Variants in BMP1 observed in about 807,000 individuals in gnomAD.
The protein encoded by BMP1 is bone morphogenetic protein 1.
BMP1 carries 63 observed loss-of-function variants against 116.8 expected under a neutral mutation model. That is an observed-to-expected ratio of 0.54 (90% CI 0.44 to 0.67). The LOEUF is 0.67. Among genes scored for constraint, BMP1 ranks in the 30% least tolerant of loss-of-function variants. The probability of loss-of-function intolerance (pLI) is 0.00; values close to 1 mark genes in which losing one functional copy is unlikely to be tolerated. For missense variants in BMP1, 1,183 were observed against 1,358.9 expected, an observed-to-expected ratio of 0.87 and a Z score of 2.04; for synonymous variants, 536 against 533.4, an observed-to-expected ratio of 1.00 and a Z score of -0.07.
At chr8:22,199,121 C>A in intron 15 of BMP1, 3 of 1,367,736 alleles carry the variant, frequency 2.2e-6, no homozygotes, top group Non-Finnish European at 2.9e-6. Context: ...CCACCCTCAG[C>A]CCTGCACGGA....
chr8:22,193,333 T>C (rs535202759), intron 9 of BMP1, among the ~76,000 whole-genome samples: 1 of 152,372 alleles, frequency 6.6e-6, no homozygotes, highest in East Asian at 1.9e-4. Flanking sequence ...CAGTTTGTAA[T>C]GTGTAAAGAA....
In BMP1 at chr8:22,207,026, G is replaced by A. The variant is rs73551745; in HGVS notation, c.2361+45G>A. On this transcript the variant is annotated intron_variant, in intron 17 of 19. Transcript: ENST00000306385. ...CTCCTTATGCGGTGTGGCTGCCCCC[G>A]GTCAGAGGCACTGCCCAGAGCCACA... The A allele has an allele frequency of 1.8e-3, 2,828 of 1,606,600 alleles. 26 individuals are homozygous for A. In the African/African-American group the frequency reaches 0.023, roughly 13 times the overall value.
chr8:22,174,630 T>A lies in BMP1; in HGVS notation c.262+915T>A, dbSNP rs1458382067. 7.5e-4 allele frequency among the ~76,000 whole-genome samples: 103 copies of A among 136,820 alleles called. 1 individual carries two copies. The highest frequency in any genetic ancestry group is 4.5e-3 in the Middle Eastern group (1 of 224). 89.8% of individuals were successfully genotyped at this position (136,820 alleles called of 152,430 possible). ...ATTCTTTCTTCTTTTTTTCTGTCTT[T>A]TTTTTTTTTTTTTTTTTTTTGAGAC... On this transcript the variant is annotated intron_variant, in intron 2 of 19. Coordinates refer to ENST00000306385, the MANE Select transcript of BMP1 (RefSeq NM_006129.5).
chr8:22,192,119 G>A lies in BMP1; in HGVS notation c.1148G>A (p.Arg383Gln), dbSNP rs752265892. The A allele has an allele frequency of 3.3e-5, 53 of 1,613,712 alleles. No individual in the cohort carries two copies. Among genetic ancestry groups the A allele is most frequent in the Non-Finnish European group, 2.0e-5 (24 of 1,179,874 alleles). Residue 383 changes from arginine to glutamine, a missense_variant, in exon 9 of 20, where the codon CGA becomes CAA. Transcript: ENST00000306385. ...TGCTGGTACGACTATGTGGAGGTCC[G>A]AGATGGCTTCTGGAGGAAGGCGCCC... ...RLCWYDYVEV[R>Q]DGFWRKAPLR...
intron 8 of BMP1, among the ~76,000 whole-genome samples, chr8:22,191,564 T>C (rs561869059): frequency 7.2e-5 from 11 of 152,174 alleles, no homozygotes; most frequent in Admixed American, 5.2e-4. Flanking sequence ...GATTGTACCA[T>C]TGCACTCCAG....
Position 22,176,561 on chromosome 8 carries a change from C to T in BMP1, c.462C>T (p.Ala154=). The T allele has an allele frequency of 6.2e-7, 1 of 1,614,202 alleles. No individual in the cohort carries two copies. The highest frequency in any genetic ancestry group is 8.5e-7 in the Non-Finnish European group (1 of 1,180,018). The change falls in exon 4 of 20, where the codon GCC becomes GCT. Residue 154 remains alanine (A), a synonymous_variant. Coordinates refer to ENST00000306385, the MANE Select transcript of BMP1 (RefSeq NM_006129.5). The part of the protein sequence containing the change: ...TGSQRAVFRQ[A]MRHWEKHTCV... ...GCCAGAGGGCAGTCTTCCGGCAGGCCATGAGGCACTGGGAGAAGCACACCT... is the reference window on the plus strand; with the variant it reads ...GCCAGAGGGCAGTCTTCCGGCAGGCTATGAGGCACTGGGAGAAGCACACCT...
intron 1 of BMP1, chr8:22,169,650 C>T (rs1211399871): frequency 1.3e-5 from 2 of 152,254 alleles, no homozygotes; most frequent in African/African-American, 4.8e-5. Flanking sequence ...TGTGTCATCC[C>T]CCAGCTAGAA....
At chr8:22,170,295 C>T (rs537955983) in intron 1 of BMP1, 36 of 152,680 alleles carry the variant, frequency 2.4e-4, no homozygotes, top group African/African-American at 6.7e-4. Context: ...GGTGAGCCAG[C>T]GTTCCCTGAG....
At chr8:22,206,696 C>G (rs1469387168) in intron 16 of BMP1, among the ~76,000 whole-genome samples, 158 bp from the exon 17 acceptor site, 2 of 152,002 alleles carry the variant, frequency 1.3e-5, no homozygotes, top group African/African-American at 4.8e-5. Flanking sequence ...GACGCAGTAA[C>G]CTCATGAAAA....
chr8:22,194,332 A>G lies in BMP1; in HGVS notation c.1298-113A>G. 1.3e-6 allele frequency: 2 copies of G among 1,489,008 alleles called. No individual in the cohort carries two copies. The highest frequency in any genetic ancestry group is 1.8e-6 in the Non-Finnish European group (2 of 1,087,602). 92.2% of individuals were successfully genotyped at this position (1,489,008 alleles called of 1,614,324 possible). A position where few individuals can be genotyped will look rare whatever the true frequency, so the allele number is the denominator to read the frequency against. On this transcript the variant is annotated intron_variant, in intron 10 of 19. Coordinates refer to ENST00000306385, the MANE Select transcript of BMP1 (RefSeq NM_006129.5). The surrounding 1 kb of genome is among the most constrained non-coding windows in gnomAD (Gnocchi z 4.5). ...CCTGGGACTGGGGGTTTGGTGGGGA[A>G]CTGAAAAGCTGGGGGACATGGGAGG...
chr8:22,199,979 A>G (rs1035983109), intron 15 of BMP1, among the ~76,000 whole-genome samples: 36 of 152,188 alleles, frequency 2.4e-4, no homozygotes, highest in Non-Finnish European at 4.6e-4. Flanking sequence ...CCCAGTCCTG[A>G]TGGGGATCAG....
chr8:22,200,104 T>G lies in BMP1; in HGVS notation c.2108-1699T>G, dbSNP rs148372876. 2.6e-5 allele frequency among the ~76,000 whole-genome samples: 4 copies of G among 152,320 alleles called. No individual in the cohort carries two copies. In the East Asian group the frequency reaches 7.7e-4, roughly 29 times the overall value. On this transcript the variant is annotated intron_variant, in intron 15 of 19. Transcript: ENST00000306385. The stretch of plus-strand genomic sequence containing the variant: ...GGTCCACTGGATCCCTCATCTTCCC[T>G]GGCTATGCCTGCTTCTATGCCAGGC...
intron 18 of BMP1, 121 bp from the exon 19 acceptor site, chr8:22,209,324 C>T: frequency 1.3e-6 from 2 of 1,491,552 alleles, no homozygotes; most frequent in Non-Finnish European, 1.8e-6. Context: ...CCACCCATCA[C>T]TGGCCTCGTG....
intron 16 of BMP1, among the ~76,000 whole-genome samples, chr8:22,204,114 C>G (rs547101650): frequency 6.6e-6 from 1 of 152,274 alleles, no homozygotes; most frequent in Admixed American, 6.5e-5. Context: ...TCTGTTCCCA[C>G]GGAGATTGCA....
intron 1 of BMP1, among the ~76,000 whole-genome samples, chr8:22,168,217 G>A (rs540776000): frequency 2.0e-5 from 3 of 152,244 alleles, no homozygotes; most frequent in Admixed American, 6.5e-5. Flanking sequence ...AGGCAGGCTG[G>A]TCTGTTTGTG....
chr8:22,178,019 T>C, intron 6 of BMP1, 62 bp downstream of exon 6: 1 of 1,330,630 alleles, frequency 7.5e-7, no homozygotes, highest in Non-Finnish European at 1.0e-6. Context: ...CTCTGTAGGC[T>C]ATTCTCCTCC....
intron 6 of BMP1, among the ~76,000 whole-genome samples, chr8:22,178,565 C>G (rs557995973): frequency 2.8e-4 from 42 of 152,126 alleles, no homozygotes; most frequent in African/African-American, 9.6e-4. Flanking sequence ...CGCGAGCCAC[C>G]AATGCCCAGC....
intron 17 of BMP1, 72 bp from the exon 18 acceptor site, chr8:22,207,231 T>C (rs1205650058): frequency 1.2e-5 from 18 of 1,517,458 alleles, no homozygotes; most frequent in Non-Finnish European, 1.6e-5. Flanking sequence ...GGCCTAGGTT[T>C]GGGGCCCTCA....
Position 22,176,239 on chromosome 8 carries a change from GGGC to G in BMP1, c.364_366del (p.Ala122del). The G allele has an allele frequency of 6.2e-7, 1 of 1,613,894 alleles. No individual in the cohort carries two copies. The highest frequency in any genetic ancestry group is 8.5e-7 in the Non-Finnish European group (1 of 1,179,934). On this transcript the variant is annotated inframe_deletion, in exon 3 of 20. Coordinates refer to ENST00000306385, the MANE Select transcript of BMP1 (RefSeq NM_006129.5). Reference sequence around the variant, plus strand: ...TGGAGAGGTAGATCCCGTAGCCGGCGGGCGGCGACGTCCCGACCAGAGCGTGTG... The same window carrying G: ...TGGAGAGGTAGATCCCGTAGCCGGCGGGCGACGTCCCGACCAGAGCGTGTG...
Sources: allele counts gnomAD v4.1 joint callset (sites outside exome capture counted in the v4.1 genomes callset), GRCh38; gene constraint gnomAD v4.1.1; non-coding constraint Gnocchi (gnomAD v3.1); transcripts MANE v1.5; gene names NCBI Gene and HGNC (gene_info 2026-07-23, HGNC 2026-07-21).